DICER1: variants seen among roughly 807,000 people sequenced by gnomAD.
DICER1 encodes the protein dicer 1, ribonuclease III.
A neutral mutation model predicts 194.1 loss-of-function variants in DICER1; 43 were observed. The observed-to-expected ratio is 0.22, with a 90% CI of 0.17 to 0.29. The LOEUF (loss-of-function observed/expected upper bound fraction) is 0.29, where lower values mean the gene tolerates loss of function less well. Ranked by LOEUF, DICER1 falls within the 10% of genes least tolerant of loss-of-function variation. The pLI is 1.00. For missense variants in DICER1, 1,608 were observed against 2,317.0 expected (o/e 0.69, Z 6.28); for synonymous variants, 832 against 820.5 (o/e 1.01, Z -0.24).
At position 95,107,938 on chromosome 14, in the gene DICER1, T is replaced by G. The variant is rs759550674; in HGVS notation, c.2592A>C (p.Ala864=). ...FSHILRLEKP[A]LEFKPTDADS... is the part of the protein sequence containing the mutation. ...CAGCGTCTGTAGGTTTAAATTCTAG[T>G]GCAGGTTTTTCAAGCCGAAGAATAT... is the stretch of plus-strand genomic sequence containing the variant. Residue 864 remains alanine (A), a synonymous_variant, in exon 16 of 27, where the codon GCA becomes GCC. Coordinates refer to ENST00000343455, the MANE Select transcript of DICER1 (RefSeq NM_177438.3). The G allele has an allele frequency of 1.2e-6, 2 of 1,614,076 alleles. No individual in the cohort carries two copies. Among genetic ancestry groups the G allele is most frequent in the Non-Finnish European group, 1.7e-6 (2 of 1,179,986 alleles).
rs1173601689 is a variant in DICER1, at chr14:95,095,889, G to A, written c.5031C>T (p.Phe1677=). The stretch of plus-strand genomic sequence containing the variant: ...CCTGGAGAAGGTAAGCCTTATTCTT[G>A]AATCTGTAGTTGATTTTCTTTTCAA... ...ENFEKKINYR[F]KNKAYLLQAF... The change falls in exon 23 of 27, where the codon TTC becomes TTT. Residue 1677 remains phenylalanine, a synonymous_variant. Transcript: ENST00000343455. 6.2e-7 allele frequency: 1 copy of A among 1,614,148 alleles called. No homozygotes were observed.
At chr14:95,126,430 T>C (rs1254220353) in intron 7 of DICER1, 150 bp downstream of exon 7, 3 of 568,914 alleles carry the variant, frequency 5.3e-6, no homozygotes, top group East Asian at 3.0e-5. Context: ...CAACCTAATA[T>C]GGTATGTTCA....
At chr14:95,145,446 T>C (rs529159048) in intron 1 of DICER1, among the ~76,000 whole-genome samples, 5 of 152,336 alleles carry the variant, frequency 3.3e-5, no homozygotes, top group African/African-American at 1.2e-4. Context: ...CAGACATCAC[T>C]GAAAACATTA....
intron 2 of DICER1, 63 bp from the exon 3 acceptor site, chr14:95,132,740 G>A: frequency 1.3e-6 from 2 of 1,503,276 alleles, no homozygotes; most frequent in Non-Finnish European, 1.8e-6. Flanking sequence ...TATAAAATTG[G>A]ATTTTATTTT....
At chr14:95,112,382 A>G in intron 12 of DICER1, 135 bp from the exon 13 acceptor site, 1 of 757,770 alleles carries the variant, frequency 1.3e-6, no homozygotes, top group Non-Finnish European at 2.2e-6. Context: ...ATTTTGAAAA[A>G]TTCCAGCAAG....
At chr14:95,102,432 C>T (rs927813421) in intron 21 of DICER1, among the ~76,000 whole-genome samples, 1 of 152,234 alleles carries the variant, frequency 6.6e-6, no homozygotes, top group African/African-American at 2.4e-5. Context: ...AGGCCTTCCA[C>T]GATACAGCTT....
Position 95,105,560 on chromosome 14 carries a change from C to T in DICER1, c.3093+118G>A. 1 of 854,106 alleles carries T rather than the reference C, an allele frequency of 1.2e-6. No individual in the cohort carries two copies. Among genetic ancestry groups the T allele is most frequent in the Non-Finnish European group, 1.9e-6 (1 of 520,520 alleles). 52.9% of individuals were successfully genotyped at this position (854,106 alleles called of 1,614,324 possible). ...AAAACAAAATTTGAGGATTAGGTAA[C>T]TTCTAAAAAATTAACGAATCATGCA... On this transcript the variant is annotated intron_variant, in intron 19 of 26. Transcript: ENST00000343455. The surrounding 1 kb of genome is among the most constrained non-coding windows in gnomAD (Gnocchi z 4.9).
At chr14:95,107,837 T>C in intron 16 of DICER1, 43 bp downstream of exon 16, 1 of 1,608,080 alleles carries the variant, frequency 6.2e-7, no homozygotes, top group Non-Finnish European at 8.5e-7. Context: ...TGTATGTTTG[T>C]ATATGTGTCT....
chr14:95,142,920 CTTTCTGCTGTGAA>C (rs941392659), intron 1 of DICER1, among the ~76,000 whole-genome samples: 1 of 152,204 alleles, frequency 6.6e-6, no homozygotes, highest in Non-Finnish European at 1.5e-5. Context: ...GCACCTAGAA[CTTTCTGCTGTGAA>C]TTTTCAAAAT....
intron 1 of DICER1, chr14:95,140,838 G>A (rs1435247135): frequency 6.6e-6 from 1 of 152,134 alleles, no homozygotes; most frequent in African/African-American, 2.4e-5. Context: ...GAGCCCTACT[G>A]ATATGAAGAG....
chr14:95,091,459 T>C (rs942778175), intron 24 of DICER1, 94 bp from the exon 25 acceptor site: 169 of 1,153,190 alleles, frequency 1.5e-4, no homozygotes, highest in Admixed American at 6.6e-4. Flanking sequence ...ATGACTTTTG[T>C]TACTTCTTTA....
intron 22 of DICER1, 41 bp from the exon 23 acceptor site, chr14:95,096,754 G>A (rs1160456068): frequency 1.3e-6 from 2 of 1,556,336 alleles, no homozygotes; most frequent in Non-Finnish European, 1.7e-6. Flanking sequence ...AAACATAGCT[G>A]CTGTTTTTAA....
At chr14:95,132,797 T>TA in intron 2 of DICER1, 120 bp from the exon 3 acceptor site, 1 of 994,692 alleles carries the variant, frequency 1.0e-6, no homozygotes, top group African/African-American at 1.7e-5. Flanking sequence ...CCAATAAATT[T>TA]ACAAAAAAAA....
At position 95,106,052 on chromosome 14, in the gene DICER1, G is replaced by A. The variant is rs1220596043; in HGVS notation, c.2976C>T (p.His992=). Residue 992 remains histidine, a synonymous_variant, in exon 18 of 27, where the codon CAC becomes CAT. Coordinates refer to ENST00000343455, the MANE Select transcript of DICER1 (RefSeq NM_177438.3). ...CTGAAGCCCCTTACCTTGAAGATGT[G>A]TGGTCCACATCCAGCAGTGGCTGGT... ...NLNQPLLDVD[H]TSSRLNLLTP... 6.2e-7 allele frequency: 1 copy of A among 1,614,162 alleles called. No homozygotes were observed. Among genetic ancestry groups the A allele is most frequent in the Admixed American group, 1.7e-5 (1 of 60,030 alleles).
In DICER1 at chr14:95,089,431, A is replaced by G. The variant is rs1889598287; in HGVS notation, c.*1067T>C. 4.3e-6 allele frequency: 1 copy of G among 232,676 alleles called. No individual in the cohort carries two copies. The highest frequency in any genetic ancestry group is 8.5e-6 in the Non-Finnish European group (1 of 117,778). 14.4% of individuals were successfully genotyped at this position (232,676 alleles called of 1,614,324 possible). ...AAAGGTGCTGTGTTTTGCTTCTTAA[A>G]TAAGTAACCAATCAATTATAAAATC... On this transcript the variant is annotated 3_prime_UTR_variant, in exon 27 of 27. Transcript: ENST00000343455.
rs144079992 is a variant in DICER1, at chr14:95,098,839, T to C, written c.4206+941A>G. The stretch of plus-strand genomic sequence containing the variant: ...ATTCTGTAATAAGACAAATACTACA[T>C]GAGTTAAAAACATCCTCAATAAATA... On this transcript the variant is annotated intron_variant, in intron 22 of 26. Transcript: ENST00000343455. Among the ~76,000 whole-genome samples the C allele has an allele frequency of 5.5e-3, 838 of 152,296 alleles. 12 individuals carry two copies. Among genetic ancestry groups the C allele is most frequent in the African/African-American group, 0.019 (790 of 41,570 alleles).
intron 17 of DICER1, 24 bp from the exon 18 acceptor site, chr14:95,106,247 A>C: frequency 6.3e-7 from 1 of 1,574,860 alleles, no homozygotes; most frequent in Non-Finnish European, 8.7e-7. Context: ...ACAAAAAAAC[A>C]ATCAGTTGCT....
intron 11 of DICER1, among the ~76,000 whole-genome samples, chr14:95,113,813 G>T (rs1052920824): frequency 1.3e-5 from 2 of 152,244 alleles, no homozygotes; most frequent in African/African-American, 4.8e-5. Flanking sequence ...TCAGGAGGGT[G>T]CTGGAATGGG....
rs1336108562 is a variant in DICER1, at chr14:95,115,746, C to T, written c.1828G>A (p.Val610Ile). ...GGCCTCAACACATATGGTGGGAAAA[C>T]GTCATCATCATCCATGACAGGATCA... is the stretch of plus-strand genomic sequence containing the variant. ...DIDPVMDDDD[V>I]FPPYVLRPDD... Residue 610 changes from valine to isoleucine, a missense_variant, in exon 11 of 27, where the codon GTT becomes ATT. By Grantham distance (29) the Val-to-Ile change is conservative. This residue lies in a region of DICER1 where 657 missense variants were observed against 910.1 expected (regional missense o/e 0.72). Coordinates refer to ENST00000343455, the MANE Select transcript of DICER1 (RefSeq NM_177438.3). 5 of 1,613,984 alleles carry T rather than the reference C, an allele frequency of 3.1e-6. No homozygotes were observed. The highest frequency in any genetic ancestry group is 4.5e-5 in the East Asian group (2 of 44,896).
Sources: allele counts gnomAD v4.1 joint callset (sites outside exome capture counted in the v4.1 genomes callset), GRCh38; gene constraint gnomAD v4.1.1; regional missense constraint gnomAD v4.1.1; non-coding constraint Gnocchi (gnomAD v3.1); transcripts MANE v1.5; gene names NCBI Gene and HGNC (gene_info 2026-07-23, HGNC 2026-07-21).